Variants in FIGN observed in about 807,000 individuals in gnomAD.
FIGN encodes the protein fidgetin, microtubule severing factor.
A neutral mutation model predicts 51.3 loss-of-function variants in FIGN; 11 were observed. The observed-to-expected ratio is 0.21, with a 90% confidence interval of 0.13 to 0.35. The LOEUF (loss-of-function observed/expected upper bound fraction) is 0.35. Among genes scored for constraint, FIGN ranks in the 10% least tolerant of loss-of-function variants. The probability of loss-of-function intolerance (pLI) is 1.00; values close to 1 mark genes in which losing one functional copy is unlikely to be tolerated. For synonymous variants in FIGN, 407 were observed against 363.2 expected (o/e 1.12, Z -1.37); for missense variants, 857 against 943.6 (o/e 0.91, Z 1.20).
chr2:163,662,653 G>C (rs1683708419), intron 2 of FIGN, among the ~76,000 whole-genome samples: 1 of 152,056 alleles, frequency 6.6e-6, no homozygotes, highest in Non-Finnish European at 1.5e-5. Flanking sequence ...CTAGGGACTT[G>C]GTGCCTGCCC....
intron 2 of FIGN, among the ~76,000 whole-genome samples, chr2:163,719,657 TAAG>T (rs1684723616): frequency 6.6e-6 from 1 of 152,130 alleles, no homozygotes. Context: ...TAGTTTCTAG[TAAG>T]AAGAAGAAAA....
rs1474427352 is a variant in FIGN, at chr2:163,607,222, T to C, written c.*2330A>G. ...GTGAGATCAATATGAACCTACAAGT[T>C]AATGTGGATATTAGAATTTCCTTAC... On this transcript the variant is annotated 3_prime_UTR_variant, in exon 3 of 3. Transcript: ENST00000333129. 6.6e-6 allele frequency: 1 copy of C among 152,222 alleles called. No individual in the cohort carries two copies. The highest frequency in any genetic ancestry group is 2.4e-5 in the African/African-American group (1 of 41,470). 9.4% of individuals were successfully genotyped at this position (152,222 alleles called of 1,614,324 possible).
rs540422768 is a variant in FIGN, at chr2:163,652,249, G to C, written c.26-40443C>G. On this transcript the variant is annotated intron_variant, in intron 2 of 2. Coordinates refer to ENST00000333129, the MANE Select transcript of FIGN (RefSeq NM_018086.4). ...CTAAATAAAAAATAACAGCTTTTCT[G>C]CCTGTATTTAAAAATTTAGATCACT... Among the ~76,000 whole-genome samples, 3 of 151,814 alleles carry C rather than the reference G, an allele frequency of 2.0e-5. No individual in the cohort carries two copies. The South Asian group carries it at 6.2e-4, about 32-fold the overall frequency.
intron 2 of FIGN, among the ~76,000 whole-genome samples, chr2:163,675,706 C>CCT (rs1683948194): frequency 1.0e-5 from 1 of 100,494 alleles, no homozygotes; most frequent in African/African-American, 3.8e-5. Flanking sequence ...TTCTTTCTTT[C>CCT]TTTTTTTTTT....
intron 2 of FIGN, among the ~76,000 whole-genome samples, chr2:163,703,873 C>T (rs1573961058): frequency 6.6e-6 from 1 of 152,202 alleles, no homozygotes; most frequent in East Asian, 1.9e-4. Context: ...TCCACCTAAT[C>T]AGATATATTA....
At chr2:163,728,551 A>G (rs1684876334) in intron 2 of FIGN, among the ~76,000 whole-genome samples, 1 of 152,174 alleles carries the variant, frequency 6.6e-6, no homozygotes, top group Non-Finnish European at 1.5e-5. Flanking sequence ...TCAGATATAG[A>G]AAGAGCAGGA....
chr2:163,638,590 G>A (rs1332573315), intron 2 of FIGN, among the ~76,000 whole-genome samples: 1 of 152,090 alleles, frequency 6.6e-6, no homozygotes, highest in Admixed American at 6.6e-5. Context: ...CAAGCAAAAG[G>A]AAGAAATATC....
intron 2 of FIGN, among the ~76,000 whole-genome samples, chr2:163,646,231 C>T (rs562906757): frequency 4.6e-4 from 70 of 152,168 alleles, no homozygotes; most frequent in Admixed American, 8.5e-4. Flanking sequence ...AAAAGAAATG[C>T]CTTTGTTCTA....
intron 2 of FIGN, among the ~76,000 whole-genome samples, chr2:163,718,590 T>G (rs1431649104): frequency 1.3e-5 from 2 of 152,098 alleles, no homozygotes; most frequent in Non-Finnish European, 2.9e-5. Context: ...TAAACAATAT[T>G]ATTTCTAAAA....
Position 163,647,279 on chromosome 2 carries a change from A to C in FIGN, c.26-35473T>G, listed in dbSNP as rs1440470. ...TGTTATTTTGATGGTTCTGAAAAAT[A>C]AGTCATGTGAGCTGTCCCCTTCTTT... On this transcript the variant is annotated intron_variant, in intron 2 of 2. Coordinates refer to ENST00000333129, the MANE Select transcript of FIGN (RefSeq NM_018086.4). Among the ~76,000 whole-genome samples the C allele has an allele frequency of 2.3e-3, 350 of 152,342 alleles. 6 individuals are homozygous for C. In the East Asian group the frequency reaches 0.04, roughly 18 times the overall value.
At chr2:163,614,048 A>T (rs1253628162) in intron 2 of FIGN, among the ~76,000 whole-genome samples, 1 of 152,186 alleles carries the variant, frequency 6.6e-6, no homozygotes, top group African/African-American at 2.4e-5. Context: ...TTTATATATT[A>T]TTAAATAATC....
At chr2:163,713,846 A>AG (rs869078878) in intron 2 of FIGN, among the ~76,000 whole-genome samples, 1 of 152,074 alleles carries the variant, frequency 6.6e-6, no homozygotes, top group Non-Finnish European at 1.5e-5. Flanking sequence ...TAACACAAAG[A>AG]GGGGGGAAAA....
intron 2 of FIGN, among the ~76,000 whole-genome samples, chr2:163,734,391 T>C (rs1178951401): frequency 6.6e-6 from 1 of 150,794 alleles, no homozygotes; most frequent in African/African-American, 2.5e-5. Flanking sequence ...CTCCACAAAG[T>C]GCAAACATCA....
chr2:163,629,913 A>G (rs367654641), intron 2 of FIGN, among the ~76,000 whole-genome samples: 1 of 136,288 alleles, frequency 7.3e-6, no homozygotes, highest in South Asian at 2.5e-4. Flanking sequence ...CATCAAGAGG[A>G]TGTATGTTTC....
At chr2:163,708,849 T>G (rs1337553601) in intron 2 of FIGN, among the ~76,000 whole-genome samples, 1 of 152,054 alleles carries the variant, frequency 6.6e-6, no homozygotes, top group East Asian at 1.9e-4. Flanking sequence ...CTACCCCAAG[T>G]AAGGAAGTTA....
At chr2:163,621,105 TAA>T (rs1056243709) in intron 2 of FIGN, among the ~76,000 whole-genome samples, 4 of 152,132 alleles carry the variant, frequency 2.6e-5, no homozygotes, top group Non-Finnish European at 5.9e-5. Flanking sequence ...AATAGATATA[TAA>T]GTCTGCTTAT....
In FIGN at chr2:163,611,102, T is replaced by C; in HGVS notation, c.730A>G (p.Ser244Gly). 6.2e-7 allele frequency: 1 copy of C among 1,614,034 alleles called. No homozygotes were observed. Among genetic ancestry groups the C allele is most frequent in the Non-Finnish European group, 8.5e-7 (1 of 1,179,986 alleles). Residue 244 changes from serine (S) to glycine (G), a missense_variant, in exon 3 of 3, where the codon AGT becomes GGT. Coordinates refer to ENST00000333129, the MANE Select transcript of FIGN (RefSeq NM_018086.4). ...TAGCTAGCAGACGGATAGCTGTAAC[T>C]GGAGAGGTTAGAAGTCCCATTGTAG... ...PGYNGTSNLSSYSYPSASYPP... is the reference protein window; with the variant it reads ...PGYNGTSNLSGYSYPSASYPP...
chr2:163,714,298 C>T (rs897609279), intron 2 of FIGN, among the ~76,000 whole-genome samples: 1 of 152,150 alleles, frequency 6.6e-6, no homozygotes, highest in Non-Finnish European at 1.5e-5. Flanking sequence ...ACAGGATTTA[C>T]CAGACTGCAC....
chr2:163,628,097 G>A (rs1473320901), intron 2 of FIGN, among the ~76,000 whole-genome samples: 5 of 152,160 alleles, frequency 3.3e-5, no homozygotes, highest in Admixed American at 1.3e-4. Context: ...TGGTGATCAC[G>A]CTCTAATAAA....
Sources: allele counts gnomAD v4.1 joint callset (sites outside exome capture counted in the v4.1 genomes callset), GRCh38; gene constraint gnomAD v4.1.1; transcripts MANE v1.5; gene names NCBI Gene and HGNC (gene_info 2026-07-23, HGNC 2026-07-21).